IL17RD: variants seen among roughly 807,000 people sequenced by gnomAD.
IL17RD encodes the protein interleukin 17 receptor D, also known as interleukin-17 receptor D.
In IL17RD, 52 loss-of-function variants were observed where a neutral mutation model predicts 80.5. The observed-to-expected ratio is 0.65, with a 90% CI of 0.52 to 0.81. The LOEUF (loss-of-function observed/expected upper bound fraction) is 0.81. Among genes scored for constraint, IL17RD ranks in the 40% least tolerant of loss-of-function variants. IL17RD has a pLI of 0.00. For synonymous variants in IL17RD, 416 were observed against 391.8 expected (o/e 1.06, Z -0.73); for missense variants, 1,024 against 955.1 (o/e 1.07, Z -0.95).
At chr3:57,097,234 C>T (rs1706698602) in intron 12 of IL17RD, among the ~76,000 whole-genome samples, 1 of 152,004 alleles carries the variant, frequency 6.6e-6, no homozygotes, top group Non-Finnish European at 1.5e-5. Context: ...GGGGTGTGAA[C>T]ATTACAGGTC....
chr3:57,099,894 A>G (rs1706786753), intron 11 of IL17RD, among the ~76,000 whole-genome samples: 1 of 152,266 alleles, frequency 6.6e-6, no homozygotes, highest in African/African-American at 2.4e-5. Flanking sequence ...AATTATTAAG[A>G]GACTGCAAAA....
intron 1 of IL17RD, among the ~76,000 whole-genome samples, chr3:57,162,774 A>C (rs2060314299): frequency 6.6e-6 from 1 of 152,216 alleles, no homozygotes; most frequent in African/African-American, 2.4e-5. Flanking sequence ...CTCTGACGCC[A>C]CCAAGATGAG....
At chr3:57,142,980 G>A (rs1707858958) in intron 1 of IL17RD, among the ~76,000 whole-genome samples, 2 of 152,014 alleles carry the variant, frequency 1.3e-5, no homozygotes. Context: ...GTTGATGCTG[G>A]CTCTGAGTAT....
At chr3:57,142,509 C>G (rs1420830354) in intron 1 of IL17RD, 1 of 1,288,212 alleles carries the variant, frequency 7.8e-7, no homozygotes, top group Non-Finnish European at 1.0e-6. Flanking sequence ...CGTGGCATCC[C>G]TCCCCCTCCA....
intron 1 of IL17RD, among the ~76,000 whole-genome samples, chr3:57,159,475 C>CG (rs1273415564): frequency 4.6e-5 from 7 of 152,174 alleles, no homozygotes; most frequent in Admixed American, 4.6e-4. Flanking sequence ...CTGTGGGCCC[C>CG]GGAGGAGACA....
chr3:57,144,264 T>C (rs929660107), intron 1 of IL17RD, among the ~76,000 whole-genome samples: 1 of 152,130 alleles, frequency 6.6e-6, no homozygotes, highest in Non-Finnish European at 1.5e-5. Flanking sequence ...GGGCCTGTTA[T>C]CACACACAGT....
rs964992877 is a variant in IL17RD at position 57,093,182 on chromosome 3, T to C, written c.*3211A>G. 2.0e-5 allele frequency: 3 copies of C among 152,202 alleles called. No individual in the cohort carries two copies. The highest frequency in any genetic ancestry group is 4.8e-5 in the African/African-American group (2 of 41,458). The allele number at this position is 152,202 out of a possible 1,614,324, so 9.4% of individuals were successfully genotyped here. A position where few individuals can be genotyped will look rare whatever the true frequency, so the allele number is the denominator to read the frequency against. On this transcript the variant is annotated 3_prime_UTR_variant, in exon 13 of 13. Coordinates refer to ENST00000296318, the MANE Select transcript of IL17RD (RefSeq NM_017563.5). ...TATCATCACACTGCTGTTTTCCTTA[T>C]ACCTCACCTGCTATACTGGTGACCA...
intron 1 of IL17RD, among the ~76,000 whole-genome samples, chr3:57,160,700 A>G (rs1157623608): frequency 6.6e-6 from 1 of 152,178 alleles, no homozygotes; most frequent in African/African-American, 2.4e-5. Context: ...CCAAACTCTG[A>G]TTTTAAATGT....
intron 9 of IL17RD, 26 bp downstream of exon 9, chr3:57,103,065 C>T: frequency 2.6e-6 from 4 of 1,564,692 alleles, no homozygotes; most frequent in Non-Finnish European, 3.5e-6. Context: ...AGTCTAGAGC[C>T]AAATTTCAAA....
At chr3:57,109,985 C>A (rs755809376) in intron 4 of IL17RD, among the ~76,000 whole-genome samples, 1 of 152,204 alleles carries the variant, frequency 6.6e-6, no homozygotes, top group Non-Finnish European at 1.5e-5. Flanking sequence ...AGCAGTAACC[C>A]GAGAGGCATG....
intron 1 of IL17RD, among the ~76,000 whole-genome samples, chr3:57,164,723 G>T (rs2060333333): frequency 6.6e-6 from 1 of 152,144 alleles, no homozygotes. Flanking sequence ...CCTTAGCAGG[G>T]TTGTGGACTG....
At chr3:57,156,161 T>A (rs2060265670) in intron 1 of IL17RD, among the ~76,000 whole-genome samples, 1 of 152,130 alleles carries the variant, frequency 6.6e-6, no homozygotes, top group Non-Finnish European at 1.5e-5. Context: ...AAATACTATG[T>A]ATGTCCCAAG....
chr3:57,128,466 C>T (rs1707540787), intron 1 of IL17RD, among the ~76,000 whole-genome samples: 1 of 152,154 alleles, frequency 6.6e-6, no homozygotes, highest in South Asian at 2.1e-4. Flanking sequence ...GCCAAGTTAC[C>T]ATGTGTCCTG....
In IL17RD at chr3:57,165,264, C is replaced by G. The variant is rs2060340252; in HGVS notation, c.23G>C (p.Cys8Ser). 5 of 1,513,086 alleles carry G rather than the reference C, an allele frequency of 3.3e-6. No homozygotes were observed. Among genetic ancestry groups the G allele is most frequent in the Non-Finnish European group, 4.4e-6 (5 of 1,131,008 alleles). 93.7% of individuals were successfully genotyped at this position (1,513,086 alleles called of 1,614,324 possible). MAPWLQL[C>S]SVFFTVNACL... ...GGCGTTGACCGTAAAGAAGACGGAG[C>G]AGAGCTGCAGCCACGGGGCCATGGC... The change falls in exon 1 of 13, where the codon TGC (cysteine) becomes TCC (serine). Residue 8 changes from cysteine to serine, a missense_variant. Transcript: ENST00000296318.
chr3:57,127,070 T>C (rs1232685422), intron 1 of IL17RD, among the ~76,000 whole-genome samples: 2 of 149,640 alleles, frequency 1.3e-5, no homozygotes, highest in Non-Finnish European at 3.0e-5. Flanking sequence ...GGTGATCCAC[T>C]CGCCTTGGCC....
chr3:57,157,533 A>G (rs17825683), intron 1 of IL17RD, among the ~76,000 whole-genome samples: 4,055 of 152,332 alleles, frequency 0.027, 85 homozygotes, highest in South Asian at 0.047. Flanking sequence ...CAGATACTGA[A>G]CAGTTACAAT....
rs751416138 is a variant in IL17RD at position 57,098,068 on chromosome 3, G to C, written c.1635C>G (p.Ala545=). ...RSKSGRSLYV[A]ICNMHQFIDE... ...CAATAAACTGGTGCATGTTGCAAAT[G>C]GCGACGTATAGGGACCGGCCTGACT... Residue 545 remains alanine, a synonymous_variant, in exon 12 of 13, where the codon GCC becomes GCG. Transcript: ENST00000296318. The C allele has an allele frequency of 6.2e-7, 1 of 1,613,996 alleles. No homozygotes were observed. Among genetic ancestry groups the C allele is most frequent in the South Asian group, 1.1e-5 (1 of 91,080 alleles).
intron 1 of IL17RD, 25 bp from the exon 2 acceptor site, chr3:57,120,338 T>C (rs200542305): frequency 6.2e-7 from 1 of 1,601,948 alleles, no homozygotes; most frequent in African/African-American, 1.3e-5. Flanking sequence ...GAGAACATGA[T>C]GCAGAGTGAA....
chr3:57,120,520 C>T (rs766913849), intron 1 of IL17RD, among the ~76,000 whole-genome samples: 3 of 152,196 alleles, frequency 2.0e-5, no homozygotes, highest in Non-Finnish European at 4.4e-5. Flanking sequence ...ACTGCCAGGC[C>T]ATAGGGATCA....
Sources: allele counts gnomAD v4.1 joint callset (sites outside exome capture counted in the v4.1 genomes callset), GRCh38; gene constraint gnomAD v4.1.1; transcripts MANE v1.5; gene names NCBI Gene and HGNC (gene_info 2026-07-23, HGNC 2026-07-21).